SLIT2: variants seen among roughly 807,000 people sequenced by gnomAD.
The protein encoded by SLIT2 is slit homolog 2 protein.
A neutral mutation model predicts 185.7 loss-of-function variants in SLIT2; 41 were observed. The ratio of observed to expected loss-of-function variants is 0.22; its 90% confidence interval spans 0.17 to 0.29. The LOEUF is 0.29. Among genes scored for constraint, SLIT2 ranks in the 10% least tolerant of loss-of-function variants. The probability of loss-of-function intolerance (pLI) is 1.00; values close to 1 mark genes in which losing one functional copy is unlikely to be tolerated. For missense variants in SLIT2, 1,571 were observed against 1,909.0 expected, an observed-to-expected ratio of 0.82 and a Z score of 3.30; for synonymous variants, 693 against 680.2, an observed-to-expected ratio of 1.02 and a Z score of -0.29.
At chr4:20,549,456 T>C (rs1364832008) in intron 24 of SLIT2, among the ~76,000 whole-genome samples, 1 of 152,136 alleles carries the variant, frequency 6.6e-6, no homozygotes, top group East Asian at 1.9e-4. Context: ...AAAATTAATT[T>C]CTTTAGAAAT....
At chr4:20,497,359 C>G (rs996713191) in intron 9 of SLIT2, among the ~76,000 whole-genome samples, 2 of 152,022 alleles carry the variant, frequency 1.3e-5, no homozygotes, top group African/African-American at 4.8e-5. Context: ...GCTTGACTCT[C>G]AAGCCCATGG....
intron 4 of SLIT2, among the ~76,000 whole-genome samples, chr4:20,326,746 C>CTTTTTTT (rs59509608): frequency 3.7e-5 from 2 of 54,726 alleles, no homozygotes; most frequent in Non-Finnish European, 6.4e-5. Flanking sequence ...ATTCTGAAAC[C>CTTTTTTT]TTTTTTTTTT....
chr4:20,350,559 C>G, intron 4 of SLIT2, among the ~76,000 whole-genome samples: 1 of 152,000 alleles, frequency 6.6e-6, no homozygotes, highest in Non-Finnish European at 1.5e-5. Flanking sequence ...TAAGTCTCTT[C>G]CTAAAATCCA....
chr4:20,429,480 T>C (rs1728806803), intron 4 of SLIT2, among the ~76,000 whole-genome samples: 1 of 152,192 alleles, frequency 6.6e-6, no homozygotes, highest in Non-Finnish European at 1.5e-5. Context: ...TTCTGTCTTC[T>C]TGGCTCTTAA....
At chr4:20,460,642 G>T (rs911205953) in intron 4 of SLIT2, among the ~76,000 whole-genome samples, 35 of 152,204 alleles carry the variant, frequency 2.3e-4, no homozygotes, top group African/African-American at 7.5e-4. Flanking sequence ...CACCTTAACT[G>T]CCCCAGCCGC....
intron 4 of SLIT2, among the ~76,000 whole-genome samples, chr4:20,442,217 G>A (rs13143737): frequency 0.13 from 19,481 of 152,036 alleles, 1,429 homozygotes; most frequent in Admixed American, 0.22. Context: ...GGCAGAGTGC[G>A]TTTAGAAAGG....
At chr4:20,349,286 C>G (rs1386506363) in intron 4 of SLIT2, among the ~76,000 whole-genome samples, 2 of 152,118 alleles carry the variant, frequency 1.3e-5, no homozygotes, top group African/African-American at 4.8e-5. Context: ...TAAAATAATA[C>G]ATAAGGACTT....
intron 4 of SLIT2, among the ~76,000 whole-genome samples, chr4:20,380,460 A>G (rs932292933): frequency 6.6e-6 from 1 of 152,152 alleles, no homozygotes; most frequent in African/African-American, 2.4e-5. Flanking sequence ...ATCAATAGAA[A>G]AAGTTTCAGA....
intron 33 of SLIT2, among the ~76,000 whole-genome samples, chr4:20,600,854 A>G (rs1728357226): frequency 6.6e-6 from 1 of 151,930 alleles, no homozygotes; most frequent in Non-Finnish European, 1.5e-5. Context: ...TTTTAATAAA[A>G]GAGGCAACAA....
intron 11 of SLIT2, among the ~76,000 whole-genome samples, chr4:20,516,994 C>A (rs959463739): frequency 6.6e-6 from 1 of 152,078 alleles, no homozygotes; most frequent in African/African-American, 2.4e-5. Flanking sequence ...AATATAAATA[C>A]GATGCATCTC....
At chr4:20,339,984 A>C (rs1720829720) in intron 4 of SLIT2, among the ~76,000 whole-genome samples, 1 of 152,208 alleles carries the variant, frequency 6.6e-6, no homozygotes, top group South Asian at 2.1e-4. Flanking sequence ...ATAGTTCATT[A>C]CTAATCCCCT....
intron 4 of SLIT2, among the ~76,000 whole-genome samples, chr4:20,429,137 A>G (rs57185194): frequency 3.7e-4 from 57 of 152,076 alleles, no homozygotes; most frequent in African/African-American, 1.4e-3. Flanking sequence ...AAGTTTGTGG[A>G]CATATCCTGG....
At chr4:20,263,238 C>T (rs1157547798) in intron 3 of SLIT2, among the ~76,000 whole-genome samples, 3 of 151,654 alleles carry the variant, frequency 2.0e-5, no homozygotes, top group Non-Finnish European at 4.4e-5. Context: ...TTTTTTCAAA[C>T]CAAGTGTTAT....
At chr4:20,566,134 G>C (rs1725072388) in intron 26 of SLIT2, among the ~76,000 whole-genome samples, 1 of 152,076 alleles carries the variant, frequency 6.6e-6, no homozygotes, top group Admixed American at 6.6e-5. Context: ...TAGAAGGTTA[G>C]AGCAGTAACG....
At chr4:20,368,219 C>CAAAAAAAAAAAAAAAGAAA (rs1723279346) in intron 4 of SLIT2, among the ~76,000 whole-genome samples, 1 of 107,430 alleles carries the variant, frequency 9.3e-6, no homozygotes, top group African/African-American at 3.8e-5. Flanking sequence ...CACAAAATAG[C>CAAAAAAAAAAAAAAAGAAA]AAAAAAAAAA....
At chr4:20,443,441 A>G (rs1398854763) in intron 4 of SLIT2, among the ~76,000 whole-genome samples, 1 of 152,158 alleles carries the variant, frequency 6.6e-6, no homozygotes, top group Non-Finnish European at 1.5e-5. Flanking sequence ...ATTTTCTCAT[A>G]AACTTTAAAT....
At chr4:20,298,294 G>A in intron 4 of SLIT2, among the ~76,000 whole-genome samples, 1 of 151,904 alleles carries the variant, frequency 6.6e-6, no homozygotes, top group Non-Finnish European at 1.5e-5. Context: ...TCTCCTTGTT[G>A]GTCAGGCTGG....
intron 4 of SLIT2, among the ~76,000 whole-genome samples, chr4:20,342,717 CTTTTTTT>C (rs11373611): frequency 5.7e-5 from 4 of 69,680 alleles, no homozygotes; most frequent in African/African-American, 2.3e-4. Context: ...GACTATCGCA[CTTTTTTT>C]TTTTTTTTTT....
intron 33 of SLIT2, 74 bp downstream of exon 33, chr4:20,598,469 A>C (rs1728153943): frequency 6.4e-7 from 1 of 1,552,174 alleles, no homozygotes; most frequent in Admixed American, 1.7e-5. Context: ...CTATCATTTT[A>C]TTATGGAGAG....
Sources: gnomAD v4.1 joint callset for allele counts (sites outside exome capture counted in the v4.1 genomes callset) on GRCh38, gnomAD v4.1.1 for gene constraint, MANE v1.5 for transcripts, NCBI Gene and HGNC (gene_info 2026-07-23, HGNC 2026-07-21) for gene names.